The following SUGCT variants were observed in gnomAD, a reference collection of about 807,000 sequenced individuals.
The protein encoded by SUGCT is succinyl-CoA:glutarate-CoA transferase.
SUGCT carries 41 observed loss-of-function variants against 55.0 expected under a neutral mutation model. The ratio of observed to expected loss-of-function variants is 0.74; its 90% CI spans 0.58 to 0.97. SUGCT has a LOEUF of 0.97. SUGCT is among the 50% of genes least tolerant of loss of function. The pLI is 0.00. For synonymous variants in SUGCT, 187 were observed against 200.4 expected, an observed-to-expected ratio of 0.93 and a Z score of 0.56; for missense variants, 568 against 547.8, an observed-to-expected ratio of 1.04 and a Z score of -0.37.
intron 11 of SUGCT, among the ~76,000 whole-genome samples, chr7:40,467,529 A>G (rs1790188736): frequency 6.6e-6 from 1 of 152,216 alleles, no homozygotes; most frequent in Non-Finnish European, 1.5e-5. Flanking sequence ...AGCAAATACT[A>G]GGTCTTATTC....
At chr7:40,449,404 A>G in intron 10 of SUGCT, 46 bp downstream of exon 10, 1 of 1,499,130 alleles carries the variant, frequency 6.7e-7, no homozygotes, top group South Asian at 1.2e-5. Flanking sequence ...GTACAAAGCC[A>G]GGGAAAGTTC....
chr7:40,439,107 T>TGG (rs1788356351), intron 9 of SUGCT, among the ~76,000 whole-genome samples: 1 of 129,588 alleles, frequency 7.7e-6, no homozygotes, highest in African/African-American at 2.9e-5. Flanking sequence ...TATATATATA[T>TGG]ATATGGATAG....
chr7:40,443,280 T>C (rs1788621410), intron 9 of SUGCT, among the ~76,000 whole-genome samples: 1 of 152,210 alleles, frequency 6.6e-6, no homozygotes, highest in Admixed American at 6.5e-5. Context: ...TAGTTTGAGA[T>C]CCCTGAGGAA....
At chr7:41,028,762 T>C in the SUGCT span, among the ~76,000 whole-genome samples, 1 of 152,220 alleles carries the variant, frequency 6.6e-6, no homozygotes, top group South Asian at 2.1e-4. Flanking sequence ...AGAACCTAAA[T>C]GATTCAGCTC....
the SUGCT span, among the ~76,000 whole-genome samples, chr7:40,944,895 G>A: frequency 2.6e-5 from 4 of 152,196 alleles, no homozygotes; most frequent in Non-Finnish European, 5.9e-5. Flanking sequence ...CTCTGTATGA[G>A]TTCCTTTGTA....
intron 8 of SUGCT, among the ~76,000 whole-genome samples, chr7:40,282,889 T>C (rs1793064644): frequency 6.6e-6 from 1 of 151,766 alleles, no homozygotes; most frequent in Non-Finnish European, 1.5e-5. Context: ...ATAAATAATA[T>C]GGATTAGAGA....
chr7:40,661,255 TTGCTCATCATGTTACAC>T (rs1236938052), intron 12 of SUGCT, among the ~76,000 whole-genome samples: 2 of 152,186 alleles, frequency 1.3e-5, no homozygotes, highest in African/African-American at 2.4e-5. Flanking sequence ...TAACTTCTCA[TTGCTCATCATGTTACAC>T]TGAAAAGTGA....
At chr7:40,339,574 C>T (rs997349887) in intron 9 of SUGCT, among the ~76,000 whole-genome samples, 9 of 152,252 alleles carry the variant, frequency 5.9e-5, no homozygotes, top group African/African-American at 1.9e-4. Flanking sequence ...CCTGGTGTGC[C>T]GTTTGCTAAG....
intron 9 of SUGCT, among the ~76,000 whole-genome samples, chr7:40,433,831 A>T (rs1208171851): frequency 1.3e-5 from 2 of 152,228 alleles, no homozygotes; most frequent in African/African-American, 2.4e-5. Context: ...AAATATTTAC[A>T]TATTCTCCAC....
chr7:40,487,250 G>GTTT (rs1167865633), intron 11 of SUGCT, among the ~76,000 whole-genome samples: 18 of 42,902 alleles, frequency 4.2e-4, no homozygotes, highest in Non-Finnish European at 5.4e-4. Context: ...ACACCCAGCT[G>GTTT]TTTTTTTTTT....
chr7:41,014,528 C>G, the SUGCT span, among the ~76,000 whole-genome samples: 1 of 152,116 alleles, frequency 6.6e-6, no homozygotes, highest in Non-Finnish European at 1.5e-5. Flanking sequence ...TGAGCAAGAT[C>G]TAAGAAGGGT....
At chr7:40,135,673 T>C (rs1335850475) in intron 1 of SUGCT, among the ~76,000 whole-genome samples, 2 of 152,250 alleles carry the variant, frequency 1.3e-5, no homozygotes, top group African/African-American at 4.8e-5. Flanking sequence ...TCTCTTTTTT[T>C]TGAGACGGAG....
chr7:40,951,444 T>C, the SUGCT span, among the ~76,000 whole-genome samples: 2 of 152,186 alleles, frequency 1.3e-5, no homozygotes, highest in African/African-American at 4.8e-5. Flanking sequence ...GTTTTTTGTG[T>C]CTGTCTCCTT....
chr7:40,152,543 G>C (rs753929242), intron 1 of SUGCT: 1 of 211,662 alleles, frequency 4.7e-6, no homozygotes, highest in Non-Finnish European at 1.0e-5. Context: ...TGAAAATTTG[G>C]CTTAGGTTTA....
chr7:40,566,943 T>C (rs746441352), intron 12 of SUGCT, among the ~76,000 whole-genome samples: 4 of 152,234 alleles, frequency 2.6e-5, no homozygotes, highest in African/African-American at 4.8e-5. Flanking sequence ...AATATTGCTG[T>C]TATGTTCAAC....
chr7:40,533,837 T>C (rs1161414951), intron 12 of SUGCT, among the ~76,000 whole-genome samples: 2 of 152,202 alleles, frequency 1.3e-5, no homozygotes, highest in Non-Finnish European at 2.9e-5. Flanking sequence ...GTTACTCAGC[T>C]TCTTTTACAT....
the SUGCT span, among the ~76,000 whole-genome samples, chr7:40,916,571 C>T: frequency 6.6e-6 from 1 of 152,098 alleles, no homozygotes; most frequent in African/African-American, 2.4e-5. Flanking sequence ...TAATAGCATC[C>T]TATCATAACT....
intron 12 of SUGCT, among the ~76,000 whole-genome samples, chr7:40,627,841 A>G (rs1320492324): frequency 6.6e-6 from 1 of 152,208 alleles, no homozygotes; most frequent in Non-Finnish European, 1.5e-5. Context: ...CCATGACATG[A>G]AACTTCTCTG....
At chr7:40,692,150 C>T (rs888043293) in intron 12 of SUGCT, among the ~76,000 whole-genome samples, 6 of 152,240 alleles carry the variant, frequency 3.9e-5, no homozygotes, top group African/African-American at 1.4e-4. Flanking sequence ...CAAGGCTATG[C>T]TAGATGCTGA....
Sources: gnomAD v4.1 joint callset for allele counts (sites outside exome capture counted in the v4.1 genomes callset) on GRCh38, gnomAD v4.1.1 for gene constraint, MANE v1.5 for transcripts, NCBI Gene and HGNC (gene_info 2026-07-23, HGNC 2026-07-21) for gene names.